Variants in WDR59 observed in about 807,000 individuals in gnomAD.
WDR59 encodes the protein WD repeat domain 59.
Under a neutral mutation model 131.2 loss-of-function variants are expected in WDR59, and 100 were observed. The observed-to-expected ratio is 0.76, with a 90% confidence interval of 0.65 to 0.90. WDR59 has a LOEUF of 0.90. Ranked by LOEUF, WDR59 falls within the 40% of genes least tolerant of loss-of-function variation. WDR59 has a pLI of 0.00. For synonymous variants in WDR59, 601 were observed against 466.2 expected (o/e 1.29, Z -3.72); for missense variants, 1,203 against 1,262.2 (o/e 0.95, Z 0.71).
At chr16:74,878,925 C>T (rs569077637) in intron 25 of WDR59, among the ~76,000 whole-genome samples, 15 of 152,182 alleles carry the variant, frequency 9.9e-5, no homozygotes, top group African/African-American at 2.2e-4. Context: ...TGCCTAAAGT[C>T]GCTTCCTATA....
chr16:74,874,465 G>A, intron 25 of WDR59, 21 bp from the exon 26 acceptor site: 1 of 1,609,362 alleles, frequency 6.2e-7, no homozygotes, highest in Non-Finnish European at 8.5e-7. Flanking sequence ...GCAGGGACGG[G>A]CAAAACAAGA....
chr16:74,946,721 T>C (rs1260950762), intron 6 of WDR59, among the ~76,000 whole-genome samples: 2 of 150,946 alleles, frequency 1.3e-5, no homozygotes, highest in African/African-American at 4.9e-5. Context: ...AGGATCTGTC[T>C]CAAAAAAAAA....
At chr16:74,984,632 G>A (rs1455179425) in intron 1 of WDR59, 4 of 354,290 alleles carry the variant, frequency 1.1e-5, no homozygotes, top group Non-Finnish European at 2.1e-5. Flanking sequence ...CTAGGGCCTC[G>A]GGAAGCCGTC....
intron 17 of WDR59, 30 bp downstream of exon 17, chr16:74,908,878 T>G (rs767406290): frequency 6.2e-7 from 1 of 1,608,922 alleles, no homozygotes; most frequent in Admixed American, 1.7e-5. Context: ...CCCGGGAACG[T>G]AGAGCGGCTT....
chr16:74,880,471 A>T (rs560602279), intron 25 of WDR59, among the ~76,000 whole-genome samples: 7 of 152,256 alleles, frequency 4.6e-5, no homozygotes, highest in African/African-American at 1.4e-4. Flanking sequence ...TTAATTAATT[A>T]AAAAAATAAG....
At chr16:74,921,831 G>T in intron 10 of WDR59, 116 bp downstream of exon 10, 1 of 1,328,764 alleles carries the variant, frequency 7.5e-7, no homozygotes, top group Non-Finnish European at 1.0e-6. Context: ...TGGCTCTCTG[G>T]TTCCTAAAGC....
intron 5 of WDR59, among the ~76,000 whole-genome samples, 180 bp from the exon 6 acceptor site, chr16:74,948,736 T>A (rs531320754): frequency 6.6e-6 from 1 of 152,106 alleles, no homozygotes; most frequent in Non-Finnish European, 1.5e-5. Flanking sequence ...GTACGGTGAC[T>A]CATGCCTGTA....
At chr16:74,927,033 A>G (rs1597729432) in intron 8 of WDR59, among the ~76,000 whole-genome samples, 1 of 152,146 alleles carries the variant, frequency 6.6e-6, no homozygotes, top group Non-Finnish European at 1.5e-5. Context: ...ACGGGCAAAC[A>G]CCCAGCTGTA....
intron 19 of WDR59, among the ~76,000 whole-genome samples, chr16:74,893,364 AC>A (rs1163255294): frequency 2.0e-5 from 3 of 152,118 alleles, no homozygotes. Flanking sequence ...GACAACCTGA[AC>A]AAGCTTGGAA....
intron 6 of WDR59, among the ~76,000 whole-genome samples, chr16:74,945,214 C>A (rs1427092493): frequency 2.0e-5 from 3 of 151,722 alleles, no homozygotes; most frequent in Non-Finnish European, 2.9e-5. Context: ...AAGAGGCTCA[C>A]GCCTGTAATG....
chr16:74,906,183 G>T (rs931670241), intron 17 of WDR59, among the ~76,000 whole-genome samples: 1 of 151,374 alleles, frequency 6.6e-6, no homozygotes, highest in African/African-American at 2.4e-5. Flanking sequence ...GCGTGGTGGC[G>T]GGCGCCTATA....
At chr16:74,980,964 C>G (rs1237695495) in intron 1 of WDR59, among the ~76,000 whole-genome samples, 1 of 149,820 alleles carries the variant, frequency 6.7e-6, no homozygotes, top group Non-Finnish European at 1.5e-5. Flanking sequence ...GACTCCATCT[C>G]AAAAATAAAA....
chr16:74,945,888 G>A (rs924799202), intron 6 of WDR59, among the ~76,000 whole-genome samples: 49 of 145,752 alleles, frequency 3.4e-4, no homozygotes, highest in African/African-American at 9.5e-4. Flanking sequence ...GCGTGATCTC[G>A]CTCACCGCAA....
intron 1 of WDR59, among the ~76,000 whole-genome samples, chr16:74,979,910 G>A (rs141414811): frequency 3.0e-5 from 4 of 131,464 alleles, no homozygotes; most frequent in African/African-American, 8.7e-5. Flanking sequence ...GTGCAATGGC[G>A]TGATCTCAGC....
rs761260692 is a variant in WDR59 at position 74,915,900 on chromosome 16, G to T, written c.1194C>A (p.Ile398=). Residue 398 remains isoleucine, a synonymous_variant, in exon 13 of 26, where the codon ATC becomes ATA. Coordinates refer to ENST00000262144, the MANE Select transcript of WDR59 (RefSeq NM_030581.4). ...CATTGACATTCCGGATTTGCACATT[G>T]ATCAGGGAGAATTCCTGCTGCAAGG... The part of the protein sequence containing the change: ...PQTLQQEFSL[I]NVQIRNVNVE... The T allele has an allele frequency of 6.2e-7, 1 of 1,614,184 alleles. No homozygotes were observed. Among genetic ancestry groups the T allele is most frequent in the Non-Finnish European group, 8.5e-7 (1 of 1,180,026 alleles).
chr16:74,942,425 C>A (rs781562625), intron 7 of WDR59, among the ~76,000 whole-genome samples: 1 of 152,130 alleles, frequency 6.6e-6, no homozygotes, highest in Non-Finnish European at 1.5e-5. Context: ...GACACACACA[C>A]TGTTAGTGTC....
At chr16:74,905,554 C>T (rs934551197) in intron 17 of WDR59, among the ~76,000 whole-genome samples, 2 of 147,714 alleles carry the variant, frequency 1.4e-5, no homozygotes, top group Admixed American at 6.8e-5. Context: ...TGGTGGCGGG[C>T]GCCTGTAGTC....
At chr16:74,930,950 G>A (rs2031335216) in intron 8 of WDR59, among the ~76,000 whole-genome samples, 1 of 147,930 alleles carries the variant, frequency 6.8e-6, no homozygotes, top group South Asian at 2.2e-4. Context: ...TTCAGGTAAT[G>A]TCTCGGAGCA....
chr16:74,923,531 G>A (rs2030468199), intron 9 of WDR59, among the ~76,000 whole-genome samples: 1 of 152,098 alleles, frequency 6.6e-6, no homozygotes, highest in African/African-American at 2.4e-5. Context: ...AGGCTGGAGT[G>A]CAGTGGGGCG....
Sources: allele counts gnomAD v4.1 joint callset (sites outside exome capture counted in the v4.1 genomes callset), GRCh38; gene constraint gnomAD v4.1.1; transcripts MANE v1.5; gene names NCBI Gene and HGNC (gene_info 2026-07-23, HGNC 2026-07-21).